LRP1B: variants seen among roughly 807,000 people sequenced by gnomAD.
The protein encoded by LRP1B is low-density lipoprotein receptor-related protein 1B.
LRP1B carries 217 observed loss-of-function variants against 556.6 expected under a neutral mutation model. The ratio of observed to expected loss-of-function variants is 0.39; its 90% confidence interval spans 0.35 to 0.44. The LOEUF (loss-of-function observed/expected upper bound fraction) is 0.44, where lower values mean the gene tolerates loss of function less well. Among genes scored for constraint, LRP1B ranks in the 20% least tolerant of loss-of-function variants. LRP1B has a pLI of 1.00. For missense variants in LRP1B, 5,053 were observed against 5,620.8 expected, an observed-to-expected ratio of 0.90 and a Z score of 3.23; for synonymous variants, 2,047 against 1,865.8, an observed-to-expected ratio of 1.10 and a Z score of -2.50.
At chr2:141,823,719 G>C (rs1696830921) in intron 1 of LRP1B, among the ~76,000 whole-genome samples, 1 of 152,196 alleles carries the variant, frequency 6.6e-6, no homozygotes, top group Non-Finnish European at 1.5e-5. Flanking sequence ...GCCTAGGCTG[G>C]AGTGTGGTGG....
At chr2:140,705,521 C>CAAAAAAAAAAAAAA (rs565447198) in intron 37 of LRP1B, among the ~76,000 whole-genome samples, 5 of 68,226 alleles carry the variant, frequency 7.3e-5, no homozygotes, top group African/African-American at 2.1e-4. Context: ...GAGACTGTCT[C>CAAAAAAAAAAAAAA]AAAAAAAAAA....
rs116206920 is a variant in LRP1B, at chr2:141,528,748, C to A, written c.206-48215G>T. ...CTGCCCCTGGAAATGTTAAGTACAT[C>A]TAGAAGCCCTGGTTGAGCTACTGCT... On this transcript the variant is annotated intron_variant, in intron 2 of 90. Transcript: ENST00000389484. Among the ~76,000 whole-genome samples, 137 of 152,176 alleles carry A rather than the reference C, an allele frequency of 9.0e-4. No homozygotes were observed. In the Middle Eastern group the frequency reaches 0.01, roughly 11 times the overall value.
chr2:141,504,416 GA>G (rs1683844529), intron 2 of LRP1B, among the ~76,000 whole-genome samples: 1 of 152,060 alleles, frequency 6.6e-6, no homozygotes. Flanking sequence ...GAGGATGAGA[GA>G]AATGACTCCA....
intron 43 of LRP1B, among the ~76,000 whole-genome samples, chr2:140,583,396 G>A (rs1392200569): frequency 1.3e-5 from 2 of 151,782 alleles, no homozygotes. Context: ...GGCTTGTCTT[G>A]AACGCTTGGC....
At chr2:141,738,095 A>G (rs1300919567) in intron 2 of LRP1B, among the ~76,000 whole-genome samples, 1 of 152,184 alleles carries the variant, frequency 6.6e-6, no homozygotes, top group Non-Finnish European at 1.5e-5. Context: ...TCCACAGATC[A>G]GTACTACCTA....
intron 2 of LRP1B, among the ~76,000 whole-genome samples, chr2:141,787,606 GA>G (rs199684326): frequency 1.3e-5 from 2 of 148,484 alleles, no homozygotes; most frequent in African/African-American, 4.9e-5. Context: ...ACTACAAATA[GA>G]AAAAAAAACA....
intron 54 of LRP1B, 106 bp from the exon 55 acceptor site, chr2:140,501,980 T>A: frequency 1.3e-6 from 1 of 743,430 alleles, no homozygotes; most frequent in East Asian, 2.8e-5. Context: ...TCAAAAATCA[T>A]AATATAAGTT....
At chr2:141,140,321 A>G (rs1009828744) in intron 7 of LRP1B, among the ~76,000 whole-genome samples, 3 of 152,120 alleles carry the variant, frequency 2.0e-5, no homozygotes, top group South Asian at 4.1e-4. Context: ...CGTCAATTAT[A>G]TAATAATAAA....
At chr2:141,059,500 G>A (rs1009913243) in intron 8 of LRP1B, among the ~76,000 whole-genome samples, 4 of 151,698 alleles carry the variant, frequency 2.6e-5, no homozygotes, top group African/African-American at 9.7e-5. Context: ...CACCTCCGAA[G>A]ATTTGTTTTA....
chr2:141,101,924 T>C (rs1275977078), intron 7 of LRP1B, among the ~76,000 whole-genome samples: 1 of 152,172 alleles, frequency 6.6e-6, no homozygotes, highest in Non-Finnish European at 1.5e-5. Context: ...AAAGTTTCTG[T>C]AGTCATGACT....
Position 141,924,916 on chromosome 2 carries a change from T to G in LRP1B, c.83-114515A>C, listed in dbSNP as rs79826521. 8.4e-3 allele frequency among the ~76,000 whole-genome samples: 1,278 copies of G among 152,258 alleles called. 20 individuals carry two copies. Among genetic ancestry groups the G allele is most frequent in the African/African-American group, 0.028 (1,177 of 41,548 alleles). On this transcript the variant is annotated intron_variant, in intron 1 of 90. Transcript: ENST00000389484. Reference sequence around the variant, plus strand: ...GAAATGAGATTGATTTTTCTCTTTTTTTTCCTCAGAGAATGGAAGGTGTAG... The same window carrying G: ...GAAATGAGATTGATTTTTCTCTTTTGTTTCCTCAGAGAATGGAAGGTGTAG...
At position 140,631,601 on chromosome 2, in the gene LRP1B, C is replaced by A. The variant is rs1049944448; in HGVS notation, c.6800-29962G>T. On this transcript the variant is annotated intron_variant, in intron 41 of 90. Coordinates refer to ENST00000389484, the MANE Select transcript of LRP1B (RefSeq NM_018557.3). ...CAAAGACATGTCAGTAGAAACTTCT[C>A]GAGCTAAAATGCAATCATCAAAAGG... is the stretch of plus-strand genomic sequence containing the variant. Among the ~76,000 whole-genome samples, 3 of 152,048 alleles carry A rather than the reference C, an allele frequency of 2.0e-5. No homozygotes were observed. The South Asian group carries it at 6.2e-4, about 32-fold the overall frequency.
intron 1 of LRP1B, among the ~76,000 whole-genome samples, chr2:142,092,388 TTTG>T (rs1354444053): frequency 6.6e-6 from 1 of 152,194 alleles, no homozygotes; most frequent in African/African-American, 2.4e-5. Context: ...ACAGTGGTTA[TTTG>T]TTGATGTGAC....
At chr2:140,633,149 T>C (rs1683951354) in intron 41 of LRP1B, among the ~76,000 whole-genome samples, 1 of 150,658 alleles carries the variant, frequency 6.6e-6, no homozygotes, top group East Asian at 1.9e-4. Context: ...GAGAAAAATA[T>C]ACCATGCTAA....
intron 2 of LRP1B, among the ~76,000 whole-genome samples, chr2:141,600,908 C>T (rs1483153): frequency 0.65 from 99,041 of 151,908 alleles, 34,950 homozygotes; most frequent in Non-Finnish European, 0.79. Flanking sequence ...GGGTCAGCTG[C>T]TGGCATCTCC....
chr2:141,298,284 G>A (rs901271368), intron 3 of LRP1B, among the ~76,000 whole-genome samples: 4 of 152,144 alleles, frequency 2.6e-5, no homozygotes, highest in African/African-American at 9.7e-5. Context: ...TGGCTTTTGG[G>A]AGGTACTATA....
intron 43 of LRP1B, among the ~76,000 whole-genome samples, chr2:140,574,240 C>T (rs559740238): frequency 8.1e-4 from 123 of 152,090 alleles, no homozygotes; most frequent in African/African-American, 2.7e-3. Context: ...TAACATTTCC[C>T]ATGCATTTAA....
chr2:141,639,302 GTGTATATA>G (rs1345873804), intron 2 of LRP1B, among the ~76,000 whole-genome samples: 2,729 of 32,384 alleles, frequency 0.084, 59 homozygotes, highest in Non-Finnish European at 0.14. Context: ...CGCATCATGT[GTGTATATA>G]TATATATATA....
Position 140,951,941 on chromosome 2 carries a change from C to T in LRP1B, c.2888-1G>A. On this transcript the variant is annotated splice_acceptor_variant, in intron 18 of 90. Coordinates refer to ENST00000389484, the MANE Select transcript of LRP1B (RefSeq NM_018557.3). LOFTEE classifies it high-confidence loss of function. ...GTTAGTGGCTCACAAGTTGGGAATT[C>T]TGTGAAAGATATAAAAATGTCCAAA... 1 of 1,608,062 alleles carries T rather than the reference C, an allele frequency of 6.2e-7. No individual in the cohort carries two copies.
Sources: gnomAD v4.1 joint callset for allele counts (sites outside exome capture counted in the v4.1 genomes callset) on GRCh38, gnomAD v4.1.1 for gene constraint, MANE v1.5 for transcripts, NCBI Gene and HGNC (gene_info 2026-07-23, HGNC 2026-07-21) for gene names.